NFATC2IP: variants seen among roughly 807,000 people sequenced by gnomAD.
NFATC2IP encodes the protein NFATC2-interacting protein.
In NFATC2IP, 25 loss-of-function variants were observed where a neutral mutation model predicts 40.2. The observed-to-expected ratio is 0.62, with a 90% CI of 0.45 to 0.87. The LOEUF (loss-of-function observed/expected upper bound fraction) is 0.87, where lower values mean the gene tolerates loss of function less well. Among genes scored for constraint, NFATC2IP ranks in the 40% least tolerant of loss-of-function variants. NFATC2IP has a pLI of 0.00. For missense variants in NFATC2IP, 553 were observed against 555.6 expected (o/e 1.00, Z 0.05); for synonymous variants, 241 against 236.3 (o/e 1.02, Z -0.18).
rs192459527 is a variant in NFATC2IP at position 28,965,757 on chromosome 16, A to C, written c.*1894A>C. On this transcript the variant is annotated 3_prime_UTR_variant, in exon 8 of 8. Coordinates refer to ENST00000320805, the MANE Select transcript of NFATC2IP (RefSeq NM_032815.4). ...TATCTAGGGGTATCCGTCACTGAAC[A>C]GAAATTCTTAATTTTGGCTAGGCGT... The C allele has an allele frequency of 6.4e-4, 98 of 152,250 alleles. No individual in the cohort carries two copies. The highest frequency in any genetic ancestry group is 2.2e-3 in the African/African-American group (90 of 41,558). The allele number at this position is 152,250 out of a possible 1,614,324, so 9.4% of individuals were successfully genotyped here. A position where few individuals can be genotyped will look rare whatever the true frequency, so the allele number is the denominator to read the frequency against.
intron 7 of NFATC2IP, among the ~76,000 whole-genome samples, chr16:28,961,076 C>G (rs1259161693): frequency 6.6e-6 from 1 of 152,062 alleles, no homozygotes; most frequent in African/African-American, 2.4e-5. Context: ...ATCTGTAATC[C>G]TAACACTTTG....
At chr16:28,963,633 T>C (rs774253122) in intron 7 of NFATC2IP, 72 bp from the exon 8 acceptor site, 51 of 1,388,072 alleles carry the variant, frequency 3.7e-5, no homozygotes, top group Non-Finnish European at 5.1e-5. Flanking sequence ...TGTCCCAAGT[T>C]CCTCGTCTAT....
At chr16:28,952,232 C>A (rs1964974244) in intron 2 of NFATC2IP, 28 bp downstream of exon 2, 2 of 1,612,778 alleles carry the variant, frequency 1.2e-6, no homozygotes, top group African/African-American at 2.7e-5. Context: ...GGGAGAGGCA[C>A]GCAGCCGCTG....
intron 3 of NFATC2IP, among the ~76,000 whole-genome samples, chr16:28,955,001 G>A (rs1965005613): frequency 6.6e-6 from 1 of 151,934 alleles, no homozygotes; most frequent in African/African-American, 2.4e-5. Flanking sequence ...TTTATAGCCT[G>A]GGAAACATAG....
At chr16:28,961,823 C>T (rs1244591821) in intron 7 of NFATC2IP, among the ~76,000 whole-genome samples, 5 of 143,282 alleles carry the variant, frequency 3.5e-5, no homozygotes, top group Non-Finnish European at 7.6e-5. Context: ...TCGCTTGAAC[C>T]TGGGAGGCGG....
chr16:28,956,234 A>T lies in NFATC2IP; in HGVS notation c.743A>T (p.Asp248Val), dbSNP rs1225543785. 6.2e-7 allele frequency: 1 copy of T among 1,613,984 alleles called. No individual in the cohort carries two copies. The change falls in exon 5 of 8, where the codon GAT becomes GTT. Residue 248 changes from aspartate to valine, a missense_variant. By Grantham distance (152) the Asp-to-Val change is radical. Transcript: ENST00000320805. ...PQGQEQQGQE[D>V]EVVLVEGPTL... ...GGTCAAGAGCAACAGGGCCAAGAGG[A>T]TGAAGTGGTCTTGGTGGAAGGGCCC...
chr16:28,952,183 T>C lies in NFATC2IP; in HGVS notation c.439T>C (p.Tyr147His). 2 of 1,612,554 alleles carry C rather than the reference T, an allele frequency of 1.2e-6. No individual in the cohort carries two copies. Among genetic ancestry groups the C allele is most frequent in the Non-Finnish European group, 1.7e-6 (2 of 1,178,670 alleles). ...IPDDLSLLKLYPPGDEEEAEL... is the reference protein window; with the variant it reads ...IPDDLSLLKLHPPGDEEEAEL... ...AGATGATCTATCCCTCCTGAAACTC[T>C]ACCCTCCAGGGGATGAGGAAGGTAA... The change falls in exon 2 of 8, where the codon TAC (tyrosine) becomes CAC (histidine). Residue 147 changes from tyrosine to histidine, a missense_variant. By Grantham distance (83) the Tyr-to-His change is moderately conservative (BLOSUM62 2). Coordinates refer to ENST00000320805, the MANE Select transcript of NFATC2IP (RefSeq NM_032815.4).
chr16:28,957,259 C>A (rs995511008), intron 5 of NFATC2IP, among the ~76,000 whole-genome samples: 3 of 151,910 alleles, frequency 2.0e-5, no homozygotes, highest in African/African-American at 4.8e-5. Context: ...GTCTTGAACT[C>A]CTGATCTCAA....
intron 7 of NFATC2IP, among the ~76,000 whole-genome samples, chr16:28,960,561 C>T (rs1039666709): frequency 2.0e-5 from 3 of 152,132 alleles, no homozygotes; most frequent in Admixed American, 6.5e-5. Flanking sequence ...TCTGCGGACC[C>T]GTGAAATCTA....
At chr16:28,961,757 G>T (rs553997944) in intron 7 of NFATC2IP, among the ~76,000 whole-genome samples, 1 of 151,790 alleles carries the variant, frequency 6.6e-6, no homozygotes, top group Non-Finnish European at 1.5e-5. Flanking sequence ...AAAATTAGCC[G>T]GGCATGGTGG....
At chr16:28,953,307 A>G (rs1473669613) in intron 2 of NFATC2IP, among the ~76,000 whole-genome samples, 1 of 151,960 alleles carries the variant, frequency 6.6e-6, no homozygotes, top group Non-Finnish European at 1.5e-5. Context: ...TCCTGACCTT[A>G]GGTGATCTGT....
At chr16:28,958,936 G>A (rs1965053014) in intron 6 of NFATC2IP, 55 bp from the exon 7 acceptor site, 2 of 1,605,674 alleles carry the variant, frequency 1.2e-6, no homozygotes, top group Admixed American at 1.7e-5. Context: ...GTTCAGCACG[G>A]GCCCTGCTTC....
intron 5 of NFATC2IP, 26 bp from the exon 6 acceptor site, chr16:28,958,691 C>A: frequency 6.3e-7 from 1 of 1,594,602 alleles, no homozygotes; most frequent in Non-Finnish European, 8.5e-7. Context: ...AGGAAGACCT[C>A]TTTTGCTTGT....
rs1259613987 is a variant in NFATC2IP at position 28,966,344 on chromosome 16, A to C, written c.*2481A>C. 6.6e-6 allele frequency: 1 copy of C among 150,640 alleles called. No homozygotes were observed. Among genetic ancestry groups the C allele is most frequent in the Non-Finnish European group, 1.5e-5 (1 of 67,860 alleles). The allele number at this position is 150,640 out of a possible 1,614,324, so 9.3% of individuals were successfully genotyped here. On this transcript the variant is annotated 3_prime_UTR_variant, in exon 8 of 8. Transcript: ENST00000320805. ...AAATATTGCACATCATTTTAAAACT[A>C]TTTGAGATGCACTTTTGTACTCAGG... is the stretch of plus-strand genomic sequence containing the variant.
At chr16:28,956,422 G>A in intron 5 of NFATC2IP, 85 bp downstream of exon 5, 1 of 995,938 alleles carries the variant, frequency 1.0e-6, no homozygotes, top group Non-Finnish European at 1.5e-6. Context: ...CCTGGCAGAA[G>A]GGACTGTCAT....
intron 7 of NFATC2IP, 113 bp from the exon 8 acceptor site, chr16:28,963,592 T>G: frequency 1.1e-6 from 1 of 894,856 alleles, no homozygotes; most frequent in Non-Finnish European, 1.7e-6. Context: ...GGCCCTGACT[T>G]TATTGTTTCC....
chr16:28,962,635 G>T (rs1472810095), intron 7 of NFATC2IP, among the ~76,000 whole-genome samples: 1 of 152,154 alleles, frequency 6.6e-6, no homozygotes, highest in Non-Finnish European at 1.5e-5. Flanking sequence ...CAACTCATTA[G>T]CATGCAAAAA....
At position 28,951,047 on chromosome 16, in the gene NFATC2IP, C is replaced by T. The variant is rs754776734; in HGVS notation, c.36C>T (p.Ser12=). ...CTGTGGGGAAGCGGGGCCGCTGGTC[C>T]GGAGGTAGCGGTGCCGGCCGAGGGG... ...AEPVGKRGRW[S]GGSGAGRGGR... The change falls in exon 1 of 8, where the codon TCC becomes TCT. Residue 12 remains serine, a synonymous_variant. Transcript: ENST00000320805. 3 of 1,534,260 alleles carry T rather than the reference C, an allele frequency of 2.0e-6. No individual in the cohort carries two copies. The highest frequency in any genetic ancestry group is 4.9e-5 in the East Asian group (2 of 41,026).
At position 28,963,785 on chromosome 16, in the gene NFATC2IP, T is replaced by G. The variant is rs1346298453; in HGVS notation, c.1182T>G (p.Asp394Glu). Residue 394 changes from aspartate (D) to glutamate (E), a missense_variant, in exon 8 of 8, where the codon GAT becomes GAG. Transcript: ENST00000320805. ...GACGGAAGCTCTCCTTCTTCTTTGA[T>G]GGGACAAAGCTTTCAGGCAGGGAGC... ...LSGRKLSFFF[D>E]GTKLSGRELP... 1.9e-6 allele frequency: 3 copies of G among 1,614,166 alleles called. No individual in the cohort carries two copies. In the South Asian group the frequency reaches 3.3e-5, roughly 18 times the overall value.
Sources: gnomAD v4.1 joint callset for allele counts (sites outside exome capture counted in the v4.1 genomes callset) on GRCh38, gnomAD v4.1.1 for gene constraint, MANE v1.5 for transcripts, NCBI Gene and HGNC (gene_info 2026-07-23, HGNC 2026-07-21) for gene names.